The following CEP112 variants were observed in gnomAD, a reference collection of about 807,000 sequenced individuals.
CEP112 encodes the protein centrosomal protein of 112 kDa.
CEP112 carries 127 observed loss-of-function variants against 153.0 expected under a neutral mutation model. The observed-to-expected ratio is 0.83, with a 90% CI of 0.72 to 0.96. CEP112 has a LOEUF of 0.96. Among genes scored for constraint, CEP112 ranks in the 40% least tolerant of loss-of-function variants. CEP112 has a pLI of 0.00. For synonymous variants in CEP112, 358 were observed against 374.4 expected (o/e 0.96, Z 0.51); for missense variants, 1,089 against 1,101.2 (o/e 0.99, Z 0.16).
intron 11 of CEP112, 47 bp from the exon 12 acceptor site, chr17:66,053,926 A>G (rs1165512590): frequency 6.6e-7 from 1 of 1,514,310 alleles, no homozygotes; most frequent in Non-Finnish European, 9.0e-7. Context: ...TATGGAATTG[A>G]CTATTTTGTA....
chr17:65,821,590 C>T (rs1353915721), intron 21 of CEP112, among the ~76,000 whole-genome samples: 2 of 117,912 alleles, frequency 1.7e-5, no homozygotes, highest in East Asian at 2.7e-4. Context: ...CTTGCTCTGT[C>T]GCCCAGGCTG....
intron 18 of CEP112, among the ~76,000 whole-genome samples, chr17:65,936,896 G>A (rs1050584077): frequency 6.7e-6 from 1 of 148,450 alleles, no homozygotes; most frequent in Non-Finnish European, 1.5e-5. Context: ...CCACCGTCTC[G>A]GCTCACTGCA....
chr17:66,147,551 G>A (rs928782574), intron 4 of CEP112, among the ~76,000 whole-genome samples: 5 of 151,468 alleles, frequency 3.3e-5, no homozygotes, highest in Admixed American at 2.6e-4. Context: ...TTATTTGTCT[G>A]TATATTTGGC....
intron 6 of CEP112, among the ~76,000 whole-genome samples, chr17:66,118,291 T>G (rs1479148024): frequency 6.6e-6 from 1 of 152,166 alleles, no homozygotes; most frequent in Non-Finnish European, 1.5e-5. Context: ...GTAGCCAAGA[T>G]ATGGAATCAA....
At chr17:66,156,616 A>G (rs2071452312) in intron 4 of CEP112, among the ~76,000 whole-genome samples, 2 of 152,162 alleles carry the variant, frequency 1.3e-5, no homozygotes, top group Non-Finnish European at 2.9e-5. Context: ...AACCCAATGC[A>G]AGGAAGCTAA....
At chr17:66,034,544 AG>A (rs1478192778) in intron 12 of CEP112, among the ~76,000 whole-genome samples, 1 of 151,760 alleles carries the variant, frequency 6.6e-6, no homozygotes, top group East Asian at 1.9e-4. Flanking sequence ...CTAAAGAAAA[AG>A]GGTTTCTGTT....
chr17:66,190,473 C>T (rs1010635335), intron 1 of CEP112, among the ~76,000 whole-genome samples: 2 of 152,022 alleles, frequency 1.3e-5, no homozygotes, highest in African/African-American at 2.4e-5. Flanking sequence ...ACATCTTTGG[C>T]TTAGGCTTAG....
rs532753443 is a variant in CEP112 at position 65,731,270 on chromosome 17, AAG to A, written c.2607+11796_2607+11797del. ...CTGTAATAAAGTGTATACCATGATA[AAG>A]AGAGTCTCGCATATTTTTTTGGTTT... On this transcript the variant is annotated intron_variant, in intron 23 of 26. Transcript: ENST00000535342. Among the ~76,000 whole-genome samples, 5 of 152,308 alleles carry A rather than the reference AAG, an allele frequency of 3.3e-5. No homozygotes were observed. The East Asian group carries it at 9.7e-4, about 29-fold the overall frequency.
chr17:66,172,174 C>T (rs538199515), intron 4 of CEP112, among the ~76,000 whole-genome samples: 14 of 152,310 alleles, frequency 9.2e-5, no homozygotes, highest in African/African-American at 2.9e-4. Flanking sequence ...ATTCCTAACA[C>T]GTTCCTTCCC....
intron 23 of CEP112, among the ~76,000 whole-genome samples, chr17:65,706,790 C>A (rs1408089029): frequency 6.6e-6 from 1 of 152,234 alleles, no homozygotes. Flanking sequence ...ATGGCTATTG[C>A]CCTTGTCTCT....
At chr17:66,033,633 T>A (rs2065587375) in intron 12 of CEP112, among the ~76,000 whole-genome samples, 1 of 152,220 alleles carries the variant, frequency 6.6e-6, no homozygotes, top group African/African-American at 2.4e-5. Flanking sequence ...CTTTCAGTTC[T>A]CCACCTAAAT....
intron 21 of CEP112, among the ~76,000 whole-genome samples, chr17:65,846,693 C>A (rs942945910): frequency 6.6e-6 from 1 of 152,160 alleles, no homozygotes; most frequent in Non-Finnish European, 1.5e-5. Context: ...CTCAGCTTCC[C>A]GAGTAGCTGG....
rs1300668011 is a variant in CEP112, at chr17:66,029,254, TA to T, written c.1374-3del. 6.2e-7 allele frequency: 1 copy of T among 1,604,526 alleles called. No homozygotes were observed. On this transcript the variant is annotated splice_polypyrimidine_tract_variant and splice_region_variant and intron_variant, in intron 13 of 26. Coordinates refer to ENST00000535342, the MANE Select transcript of CEP112 (RefSeq NM_001199165.4). ...TTCTCTTTATGCAGTGTGTTACGCC[TA>T]AAAACAAGAGAATAAAATAGACTTT... is the stretch of plus-strand genomic sequence containing the variant.
chr17:65,996,089 C>T (rs944709764), intron 17 of CEP112, among the ~76,000 whole-genome samples: 3 of 150,938 alleles, frequency 2.0e-5, no homozygotes, highest in Non-Finnish European at 4.4e-5. Context: ...TTCATCATGG[C>T]GTGTTTTGAC....
At chr17:65,643,167 G>A (rs2045239725) in intron 24 of CEP112, among the ~76,000 whole-genome samples, 1 of 152,210 alleles carries the variant, frequency 6.6e-6, no homozygotes, top group Admixed American at 6.5e-5. Context: ...TTATTGGAGG[G>A]CCTTGGATCC....
chr17:65,995,330 C>T (rs547416884), intron 17 of CEP112, among the ~76,000 whole-genome samples: 173 of 152,044 alleles, frequency 1.1e-3, no homozygotes, highest in Non-Finnish European at 1.9e-3. Flanking sequence ...GAATGATATA[C>T]AGAAGTGCTC....
At position 65,832,710 on chromosome 17, in the gene CEP112, A is replaced by T. The variant is rs1382066054; in HGVS notation, c.2394+19094T>A. ...AAACTCCAAAACTGAATCAGTAATA[A>T]ATAGCCTAACAAACAAAAAAACTCC... is the stretch of plus-strand genomic sequence containing the variant. On this transcript the variant is annotated intron_variant, in intron 21 of 26. Transcript: ENST00000535342. Among the ~76,000 whole-genome samples the T allele has an allele frequency of 4.0e-5, 6 of 150,900 alleles. No individual in the cohort carries two copies. The East Asian group carries it at 9.6e-4, about 24-fold the overall frequency.
At chr17:65,978,623 T>C (rs1472613015) in intron 17 of CEP112, among the ~76,000 whole-genome samples, 1 of 152,268 alleles carries the variant, frequency 6.6e-6, no homozygotes, top group Non-Finnish European at 1.5e-5. Context: ...TGTCCTTTAT[T>C]AGCATATTTT....
intron 23 of CEP112, among the ~76,000 whole-genome samples, chr17:65,690,517 T>C (rs1172934722): frequency 6.6e-6 from 1 of 151,144 alleles, no homozygotes; most frequent in Non-Finnish European, 1.5e-5. Context: ...AAGTGTATTA[T>C]ATAACCGTGA....
Sources: allele counts gnomAD v4.1 joint callset (sites outside exome capture counted in the v4.1 genomes callset), GRCh38; gene constraint gnomAD v4.1.1; transcripts MANE v1.5; gene names NCBI Gene and HGNC (gene_info 2026-07-23, HGNC 2026-07-21).